The following ITSN1 variants were observed in gnomAD, a reference collection of about 807,000 sequenced individuals.
ITSN1 encodes the protein intersectin 1, also known as intersectin-1.
A neutral mutation model predicts 239.8 loss-of-function variants in ITSN1; 58 were observed. The ratio of observed to expected loss-of-function variants is 0.24; its 90% CI spans 0.20 to 0.30. The LOEUF is 0.30. Among genes scored for constraint, ITSN1 ranks in the 10% least tolerant of loss-of-function variants. ITSN1 has a pLI of 1.00. For missense variants in ITSN1, 1,558 were observed against 2,103.3 expected (o/e 0.74, Z 5.07); for synonymous variants, 780 against 770.8 (o/e 1.01, Z -0.20).
intron 1 of ITSN1, among the ~76,000 whole-genome samples, chr21:33,663,611 T>C (rs1444175561): frequency 6.6e-6 from 1 of 152,214 alleles, no homozygotes; most frequent in Admixed American, 6.5e-5. Context: ...TTAAATTCTT[T>C]TTTTTTTTGA....
At position 33,817,586 on chromosome 21, in the gene ITSN1, C is replaced by A. The variant is rs746901743; in HGVS notation, c.2728-681C>A. ...TGTCTTCCCCATTACTTGTGAATTACCTGCTAGTAATACTGCCCATCTTTA... is the reference window on the plus strand; with the variant it reads ...TGTCTTCCCCATTACTTGTGAATTAACTGCTAGTAATACTGCCCATCTTTA... On this transcript the variant is annotated intron_variant, in intron 22 of 39. Transcript: ENST00000381318. 2.1e-5 allele frequency: 27 copies of A among 1,299,346 alleles called. No individual in the cohort carries two copies. In the South Asian group the frequency reaches 3.1e-4, roughly 15 times the overall value. 80.5% of individuals were successfully genotyped at this position (1,299,346 alleles called of 1,614,324 possible).
intron 25 of ITSN1, among the ~76,000 whole-genome samples, chr21:33,826,204 G>T (rs2073962729): frequency 6.6e-6 from 1 of 152,170 alleles, no homozygotes; most frequent in Non-Finnish European, 1.5e-5. Context: ...CATTGATAGA[G>T]AAATTTCAAT....
At chr21:33,729,116 A>T (rs2066007348) in intron 4 of ITSN1, among the ~76,000 whole-genome samples, 1 of 152,210 alleles carries the variant, frequency 6.6e-6, no homozygotes, top group Non-Finnish European at 1.5e-5. Context: ...TGTAACACAC[A>T]CAAAGTAGTT....
rs551934259 is a variant in ITSN1 at position 33,677,915 on chromosome 21, T to G, written c.-33+35202T>G. On this transcript the variant is annotated intron_variant, in intron 1 of 39. Transcript: ENST00000381318. ...CATGTGGGTGTTTATTGTGGTCTTCTGGACGTTGTCTTGGTTCCACTTTGT... is the reference window on the plus strand; with the variant it reads ...CATGTGGGTGTTTATTGTGGTCTTCGGGACGTTGTCTTGGTTCCACTTTGT... 6.6e-5 allele frequency among the ~76,000 whole-genome samples: 10 copies of G among 152,370 alleles called. No individual in the cohort carries two copies. In the South Asian group the frequency reaches 2.1e-3, roughly 32 times the overall value.
chr21:33,787,990 G>GT (rs557537453), intron 16 of ITSN1, among the ~76,000 whole-genome samples: 1 of 151,728 alleles, frequency 6.6e-6, no homozygotes, highest in African/African-American at 2.4e-5. Flanking sequence ...TACAGCATGG[G>GT]TTTTTTTTCT....
rs977945911 is a variant in ITSN1, at chr21:33,889,848, C to T, written c.*1548C>T. On this transcript the variant is annotated 3_prime_UTR_variant, in exon 40 of 40. Transcript: ENST00000381318. The stretch of plus-strand genomic sequence containing the variant: ...AGTGTTATCATTTCCCATGAGAGCC[C>T]GGTCATACTTCAAGCAATTTTTTTA... 3 of 152,064 alleles carry T rather than the reference C, an allele frequency of 2.0e-5. No individual in the cohort carries two copies. The highest frequency in any genetic ancestry group is 4.8e-5 in the African/African-American group (2 of 41,398). The allele number at this position is 152,064 out of a possible 1,614,324, so 9.4% of individuals were successfully genotyped here.
chr21:33,888,470 C>G lies in ITSN1; in HGVS notation c.*170C>G, dbSNP rs1209466870. ...TAGGAATCATTCTCGACAATCCTCC[C>G]TGCCCCGAAACAATTTCCTGTTTCA... is the stretch of plus-strand genomic sequence containing the variant. On this transcript the variant is annotated 3_prime_UTR_variant, in exon 40 of 40. Transcript: ENST00000381318. 2 of 645,162 alleles carry G rather than the reference C, an allele frequency of 3.1e-6. No homozygotes were observed. The highest frequency in any genetic ancestry group is 5.2e-6 in the Non-Finnish European group (2 of 387,252). The allele number at this position is 645,162 out of a possible 1,614,324, so 40.0% of individuals were successfully genotyped here.
chr21:33,806,925 A>T (rs1366662980), intron 20 of ITSN1, among the ~76,000 whole-genome samples: 1 of 152,188 alleles, frequency 6.6e-6, no homozygotes, highest in African/African-American at 2.4e-5. Context: ...CATTTTGGGT[A>T]GTTTTCCAAA....
intron 23 of ITSN1, among the ~76,000 whole-genome samples, chr21:33,818,889 A>C (rs2073463647): frequency 6.6e-6 from 1 of 152,234 alleles, no homozygotes; most frequent in African/African-American, 2.4e-5. Flanking sequence ...ATGGAACCTA[A>C]GGTTGTTAAT....
At chr21:33,791,291 A>G (rs181979197) in intron 16 of ITSN1, among the ~76,000 whole-genome samples, 144 of 152,316 alleles carry the variant, frequency 9.5e-4, no homozygotes, top group Non-Finnish European at 1.4e-3. Context: ...AAACTTTGCC[A>G]TCTTGAAATC....
At chr21:33,643,708 T>A (rs928241681) in intron 1 of ITSN1, 2 of 152,122 alleles carry the variant, frequency 1.3e-5, no homozygotes, top group Admixed American at 6.6e-5. Context: ...AGCAGCAACC[T>A]GGAAATTTAG....
At chr21:33,834,247 T>G in intron 27 of ITSN1, 60 bp from the exon 28 acceptor site, 4 of 1,182,692 alleles carry the variant, frequency 3.4e-6, no homozygotes, top group Non-Finnish European at 5.1e-6. Context: ...TGTTATAAAG[T>G]GAGCTGTATT....
chr21:33,710,968 G>A (rs1471105612), intron 1 of ITSN1, among the ~76,000 whole-genome samples: 1 of 151,858 alleles, frequency 6.6e-6, no homozygotes. Context: ...ACCACACCCA[G>A]CTAATTATTG....
intron 29 of ITSN1, among the ~76,000 whole-genome samples, chr21:33,847,591 G>T (rs3787715): frequency 6.6e-6 from 1 of 152,012 alleles, no homozygotes; most frequent in Non-Finnish European, 1.5e-5. Flanking sequence ...ATAGCCCATG[G>T]CTGGGGGTCA....
At chr21:33,647,383 C>CT (rs548933207) in intron 1 of ITSN1, among the ~76,000 whole-genome samples, 14 of 150,562 alleles carry the variant, frequency 9.3e-5, no homozygotes, top group African/African-American at 2.4e-4. Context: ...TTGTAACCTG[C>CT]TTTTTTTTTG....
chr21:33,668,011 A>G (rs571466738), intron 1 of ITSN1, among the ~76,000 whole-genome samples: 1 of 152,282 alleles, frequency 6.6e-6, no homozygotes, highest in East Asian at 1.9e-4. Flanking sequence ...CCTCCTGCCC[A>G]GGATATTTCT....
At chr21:33,663,671 C>T (rs569985434) in intron 1 of ITSN1, among the ~76,000 whole-genome samples, 10 of 152,174 alleles carry the variant, frequency 6.6e-5, no homozygotes, top group Non-Finnish European at 8.8e-5. Context: ...GGCACGATCT[C>T]GGCTTACCGC....
At chr21:33,817,270 A>T in intron 22 of ITSN1, 1 of 1,304,322 alleles carries the variant, frequency 7.7e-7, no homozygotes, top group African/African-American at 1.5e-5. Flanking sequence ...ACTAGGCCAC[A>T]TGCAGCCCCG....
At chr21:33,750,452 T>G (rs2067476067) in intron 6 of ITSN1, 130 bp downstream of exon 6, 2 of 828,376 alleles carry the variant, frequency 2.4e-6, no homozygotes, top group Non-Finnish European at 3.7e-6. Flanking sequence ...AATATCTTTA[T>G]TTTTTTCACT....
Sources: gnomAD v4.1 joint callset for allele counts (sites outside exome capture counted in the v4.1 genomes callset) on GRCh38, gnomAD v4.1.1 for gene constraint, MANE v1.5 for transcripts, NCBI Gene and HGNC (gene_info 2026-07-23, HGNC 2026-07-21) for gene names.